Variants in STAU1 observed in about 807,000 individuals in gnomAD.
The protein encoded by STAU1 is staufen double-stranded RNA binding protein 1.
STAU1 carries 13 observed loss-of-function variants against 62.9 expected under a neutral mutation model. The ratio of observed to expected loss-of-function variants is 0.21; its 90% confidence interval spans 0.13 to 0.33. The LOEUF is 0.33. STAU1 is among the 10% of genes least tolerant of loss of function. The pLI, the probability that STAU1 is intolerant of heterozygous loss-of-function variation, is 1.00. For synonymous variants in STAU1, 269 were observed against 265.1 expected, an observed-to-expected ratio of 1.01 and a Z score of -0.14; for missense variants, 571 against 712.1, an observed-to-expected ratio of 0.80 and a Z score of 2.25.
At chr20:49,148,657 G>A (rs750635898) in intron 5 of STAU1, among the ~76,000 whole-genome samples, 14 of 152,226 alleles carry the variant, frequency 9.2e-5, no homozygotes, top group Non-Finnish European at 1.3e-4. Context: ...AAGGGCACAA[G>A]TAGATTTAAA....
At chr20:49,195,898 C>CAAACAAAAAAAAAAAAAA in the STAU1 span, among the ~76,000 whole-genome samples, 1 of 33,880 alleles carries the variant, frequency 3.0e-5, no homozygotes, top group Non-Finnish European at 5.1e-5. Flanking sequence ...AACTTCCTCT[C>CAAACAAAAAAAAAAAAAA]AAAAAAAAAA....
At chr20:49,202,360 G>A in the STAU1 span, among the ~76,000 whole-genome samples, 260 of 152,104 alleles carry the variant, frequency 1.7e-3, 1 homozygote, top group Middle Eastern at 6.8e-3. Flanking sequence ...TCGGGAGTTC[G>A]AGATCAGCCT....
chr20:49,124,370 C>T lies in STAU1; in HGVS notation c.822+5G>A. On this transcript the variant is annotated splice_donor_5th_base_variant and intron_variant, in intron 7 of 13. Transcript: ENST00000371856. ...AACACCTTCTGTGTTCAGAAAAGTT[C>T]TCACCTTGACTATGGGTTTTGTTTT... The T allele has an allele frequency of 1.9e-6, 3 of 1,613,250 alleles. No homozygotes were observed. The highest frequency in any genetic ancestry group is 2.5e-6 in the Non-Finnish European group (3 of 1,179,822).
At chr20:49,160,750 A>G (rs759453460) in intron 3 of STAU1, among the ~76,000 whole-genome samples, 3 of 152,232 alleles carry the variant, frequency 2.0e-5, no homozygotes, top group Non-Finnish European at 2.9e-5. Context: ...TTGAGACTAC[A>G]TGGTGAAACC....
intron 6 of STAU1, among the ~76,000 whole-genome samples, chr20:49,130,894 C>G (rs1307900807): frequency 6.6e-6 from 1 of 151,080 alleles, no homozygotes; most frequent in Non-Finnish European, 1.5e-5. Context: ...GCTGAGATCA[C>G]ATCACTGCAC....
Position 49,152,340 on chromosome 20 carries a change from C to CTTTTTTT in STAU1, c.345-600_345-594dup, listed in dbSNP as rs3092547. On this transcript the variant is annotated intron_variant, in intron 4 of 13. Coordinates refer to ENST00000371856, the MANE Select transcript of STAU1 (RefSeq NM_017453.4). ...TTGCTCATCATCTATCCACTAATGTCTTTTTTTTTTTTTTTTTTTTGTGAG... is the reference window on the plus strand; with the variant it reads ...TTGCTCATCATCTATCCACTAATGTCTTTTTTTTTTTTTTTTTTTTTTTTTTTGTGAG... Among the ~76,000 whole-genome samples the CTTTTTTT allele has an allele frequency of 9.6e-5, 10 of 104,576 alleles. 1 individual carries two copies. Among genetic ancestry groups the CTTTTTTT allele is most frequent in the African/African-American group, 1.1e-4 (3 of 27,170 alleles). The allele number at this position is 104,576 out of a possible 152,430, so 68.6% of individuals were successfully genotyped here.
intron 6 of STAU1, chr20:49,135,038 T>A (rs1022568465): frequency 6.6e-7 from 1 of 1,521,688 alleles, no homozygotes; most frequent in South Asian, 1.1e-5. Context: ...GCAGCCGCCA[T>A]CTCCAGAGCC....
At chr20:49,162,039 G>A (rs950373973) in intron 3 of STAU1, among the ~76,000 whole-genome samples, 1 of 152,092 alleles carries the variant, frequency 6.6e-6, no homozygotes, top group Non-Finnish European at 1.5e-5. Context: ...TGAAACAGCC[G>A]CCAGCTGTAC....
the STAU1 span, among the ~76,000 whole-genome samples, chr20:49,204,592 T>TTTTATA: frequency 2.2e-5 from 1 of 45,644 alleles, no homozygotes; most frequent in African/African-American, 8.1e-5. Context: ...GGATTTTACA[T>TTTTATA]TATATATATA....
chr20:49,128,486 A>T (rs2092680667), intron 6 of STAU1, among the ~76,000 whole-genome samples: 1 of 152,184 alleles, frequency 6.6e-6, no homozygotes, highest in Non-Finnish European at 1.5e-5. Context: ...TTCTTGGAGG[A>T]ATGGCCAAGA....
chr20:49,204,682 T>C, the STAU1 span, among the ~76,000 whole-genome samples: 2 of 120,074 alleles, frequency 1.7e-5, no homozygotes, highest in Admixed American at 1.0e-4. Flanking sequence ...TGAGATGGAG[T>C]CTGTCACCCA....
In STAU1 at chr20:49,166,269, G is replaced by A. The variant is rs2093525146; in HGVS notation, c.-68C>T. On this transcript the variant is annotated 5_prime_UTR_variant, in exon 3 of 14. Transcript: ENST00000371856. ...TCAGTGCAGGTTAATTCAGTGCTAT[G>A]AAGTCTAAAGTTCTACCTAAAAGTT... The A allele has an allele frequency of 7.1e-7, 1 of 1,404,768 alleles. No homozygotes were observed. The highest frequency in any genetic ancestry group is 1.0e-6 in the Non-Finnish European group (1 of 1,004,240). The allele number at this position is 1,404,768 out of a possible 1,614,324, so 87.0% of individuals were successfully genotyped here. A position where few individuals can be genotyped will look rare whatever the true frequency, so the allele number is the denominator to read the frequency against.
At chr20:49,146,780 A>T (rs956058393) in intron 5 of STAU1, among the ~76,000 whole-genome samples, 1 of 152,036 alleles carries the variant, frequency 6.6e-6, no homozygotes, top group Admixed American at 6.6e-5. Context: ...CTGTATGCAC[A>T]GTAACAGCTC....
the STAU1 span, among the ~76,000 whole-genome samples, chr20:49,219,118 T>C: frequency 6.6e-6 from 1 of 152,056 alleles, no homozygotes; most frequent in East Asian, 1.9e-4. Context: ...CAGCTTTTTT[T>C]TGTATCTAAA....
intron 1 of STAU1, among the ~76,000 whole-genome samples, chr20:49,178,623 T>C (rs1247995527): frequency 3.3e-5 from 5 of 151,654 alleles, no homozygotes; most frequent in Non-Finnish European, 7.4e-5. Flanking sequence ...TGGTGGCACA[T>C]GCCTGTAATC....
chr20:49,134,189 T>C (rs772711965), intron 6 of STAU1, among the ~76,000 whole-genome samples: 8 of 152,128 alleles, frequency 5.3e-5, no homozygotes, highest in Middle Eastern at 3.4e-3. Context: ...CCCAGCACTT[T>C]GGGAGGCCGA....
intron 3 of STAU1, among the ~76,000 whole-genome samples, chr20:49,163,457 G>A (rs1189175196): frequency 2.5e-5 from 3 of 118,100 alleles, no homozygotes; most frequent in Admixed American, 1.2e-4. Flanking sequence ...ATGGAATCTC[G>A]CTCTGTTGCC....
chr20:49,172,980 C>A, intron 2 of STAU1, among the ~76,000 whole-genome samples: 1 of 128,542 alleles, frequency 7.8e-6, no homozygotes, highest in East Asian at 2.3e-4. Flanking sequence ...CGGGTTCACG[C>A]CATTCTCCCG....
chr20:49,173,415 C>G (rs1352929056), intron 2 of STAU1, among the ~76,000 whole-genome samples: 2 of 152,124 alleles, frequency 1.3e-5, no homozygotes, highest in African/African-American at 4.8e-5. Context: ...GGCGCCATTG[C>G]ACTCCAACCT....
Sources: allele counts gnomAD v4.1 joint callset (sites outside exome capture counted in the v4.1 genomes callset), GRCh38; gene constraint gnomAD v4.1.1; transcripts MANE v1.5; gene names NCBI Gene and HGNC (gene_info 2026-07-23, HGNC 2026-07-21).